Variants in SCAP observed in about 807,000 individuals in gnomAD.
SCAP encodes SREBF chaperone.
SCAP carries 65 observed loss-of-function variants against 123.6 expected under a neutral mutation model. The ratio of observed to expected loss-of-function variants is 0.53; its 90% CI spans 0.43 to 0.65. The LOEUF (loss-of-function observed/expected upper bound fraction) is 0.65, where lower values mean the gene tolerates loss of function less well. Ranked by LOEUF, SCAP falls within the 30% of genes least tolerant of loss-of-function variation. SCAP has a pLI of 0.00. For synonymous variants in SCAP, 740 were observed against 726.3 expected (o/e 1.02, Z -0.30); for missense variants, 1,398 against 1,712.5 (o/e 0.82, Z 3.24).
intron 18 of SCAP, among the ~76,000 whole-genome samples, chr3:47,416,874 C>T (rs931161967): frequency 6.6e-6 from 1 of 152,068 alleles, no homozygotes. Flanking sequence ...GATCCGCCCG[C>T]CTCGGCCTCC....
intron 3 of SCAP, among the ~76,000 whole-genome samples, chr3:47,433,710 T>C (rs1248911579): frequency 6.6e-6 from 1 of 151,670 alleles, no homozygotes; most frequent in Non-Finnish European, 1.5e-5. Flanking sequence ...CTACTAAAAA[T>C]ACAAAAATTA....
At position 47,450,838 on chromosome 3, in the gene SCAP, C is replaced by A. The variant is rs1201154141; in HGVS notation, c.-98-7747G>T. ...AATCTCAGTATCTTTACATTTTTCA[C>A]TATAAGCATTTATTTATTTTTCTTT... On this transcript the variant is annotated intron_variant, in intron 1 of 22. Coordinates refer to ENST00000265565, the MANE Select transcript of SCAP (RefSeq NM_012235.4). 1.7e-5 allele frequency among the ~76,000 whole-genome samples: 2 copies of A among 121,094 alleles called. 1 individual carries two copies. Among genetic ancestry groups the A allele is most frequent in the Non-Finnish European group, 3.6e-5 (2 of 55,142 alleles). The allele number at this position is 121,094 out of a possible 152,430, so 79.4% of individuals were successfully genotyped here.
At chr3:47,441,874 C>CTTTTT (rs1160447716) in intron 2 of SCAP, among the ~76,000 whole-genome samples, 333 of 75,826 alleles carry the variant, frequency 4.4e-3, no homozygotes, top group Middle Eastern at 9.8e-3. Context: ...GTTCATCTTT[C>CTTTTT]TTTTTTTTTT....
In SCAP at chr3:47,451,702, C is replaced by T. The variant is rs989450207; in HGVS notation, c.-98-8611G>A. On this transcript the variant is annotated intron_variant, in intron 1 of 22. Transcript: ENST00000265565. ...GCTGAGCCACCCACCATGCCTGGCC[C>T]TCATAGACCCCTTCCTACCTATCCC... is the stretch of plus-strand genomic sequence containing the variant. 1.6e-5 allele frequency among the ~76,000 whole-genome samples: 2 copies of T among 123,716 alleles called. 1 individual carries two copies. The highest frequency in any genetic ancestry group is 3.6e-5 in the Non-Finnish European group (2 of 56,020). The allele number at this position is 123,716 out of a possible 152,430, so 81.2% of individuals were successfully genotyped here.
chr3:47,425,299 T>C lies in SCAP; in HGVS notation c.1037+186A>G, dbSNP rs565298021. ...ACTCACTATAGCTAGATATGCTATATACAAACACAAGTATGAATACAAGCC... is the reference window on the plus strand; with the variant it reads ...ACTCACTATAGCTAGATATGCTATACACAAACACAAGTATGAATACAAGCC... On this transcript the variant is annotated intron_variant, in intron 8 of 22. Coordinates refer to ENST00000265565, the MANE Select transcript of SCAP (RefSeq NM_012235.4). 62 of 667,632 alleles carry C rather than the reference T, an allele frequency of 9.3e-5. 2 individuals are homozygous for C. In the South Asian group the frequency reaches 1.3e-3, roughly 14 times the overall value. The allele number at this position is 667,632 out of a possible 1,614,324, so 41.4% of individuals were successfully genotyped here. A position where few individuals can be genotyped will look rare whatever the true frequency, so the allele number is the denominator to read the frequency against.
intron 1 of SCAP, chr3:47,469,817 A>T: frequency 1.7e-6 from 1 of 585,540 alleles, no homozygotes; most frequent in Non-Finnish European, 3.3e-6. Context: ...CAAGGCTATT[A>T]CCCTGGGCAG....
In SCAP at chr3:47,420,382, C is replaced by G. The variant is rs1705838206; in HGVS notation, c.1563+172G>C. On this transcript the variant is annotated intron_variant, in intron 12 of 22. Transcript: ENST00000265565. The surrounding 1 kb of genome is among the most constrained non-coding windows in gnomAD (Gnocchi z 5.0). ...CACAGGCTTATCTCCTCAGAAGCCA[C>G]TAGGGTCTGGGCAGGGAGGACACAA... is the stretch of plus-strand genomic sequence containing the variant. 1.3e-5 allele frequency among the ~76,000 whole-genome samples: 2 copies of G among 152,202 alleles called. No individual in the cohort carries two copies. Among genetic ancestry groups the G allele is most frequent in the South Asian group, 2.1e-4 (1 of 4,828 alleles).
At chr3:47,453,973 AG>A (rs1707314157) in intron 1 of SCAP, among the ~76,000 whole-genome samples, 1 of 152,196 alleles carries the variant, frequency 6.6e-6, no homozygotes. Flanking sequence ...GAAACATGTA[AG>A]TACTAATGTT....
intron 1 of SCAP, among the ~76,000 whole-genome samples, chr3:47,469,360 A>G (rs1009241397): frequency 2.6e-5 from 4 of 152,166 alleles, no homozygotes; most frequent in Non-Finnish European, 4.4e-5. Context: ...AAAAATCACC[A>G]AATAATTTTT....
chr3:47,420,952 G>A lies in SCAP; in HGVS notation c.1323C>T (p.Ser441=). 1 of 1,613,892 alleles carries A rather than the reference G, an allele frequency of 6.2e-7. No individual in the cohort carries two copies. The highest frequency in any genetic ancestry group is 1.1e-5 in the South Asian group (1 of 91,078). The stretch of plus-strand genomic sequence containing the variant: ...CTACCTCCATCCGGCGAATGTCAAT[G>A]GACAGGACAGTGGTGAAAAACAGCA... The part of the protein sequence containing the change: ...LQMLFFTTVL[S]IDIRRMELAD... Residue 441 remains serine (S), a synonymous_variant, in exon 11 of 23, where the codon TCC becomes TCT. Coordinates refer to ENST00000265565, the MANE Select transcript of SCAP (RefSeq NM_012235.4). This position sits in a 1 kb window ranked among gnomAD's most constrained non-coding sequence, Gnocchi z 5.0.
chr3:47,445,590 G>C (rs1266433329), intron 1 of SCAP, among the ~76,000 whole-genome samples: 2 of 147,052 alleles, frequency 1.4e-5, no homozygotes, highest in African/African-American at 5.0e-5. Flanking sequence ...TTTTTTTTTT[G>C]AAACGGAATC....
intron 3 of SCAP, among the ~76,000 whole-genome samples, chr3:47,430,495 T>C (rs1420956491): frequency 6.6e-6 from 1 of 152,076 alleles, no homozygotes; most frequent in Non-Finnish European, 1.5e-5. Flanking sequence ...CAGGAGGGAA[T>C]GTGAGTTGCA....
chr3:47,473,346 G>C (rs1027199171), intron 1 of SCAP, among the ~76,000 whole-genome samples: 2 of 152,056 alleles, frequency 1.3e-5, no homozygotes, highest in Admixed American at 6.6e-5. Flanking sequence ...ACAAGTGCTC[G>C]ATATCACCCA....
At chr3:47,446,468 GC>G (rs1334780963) in intron 1 of SCAP, among the ~76,000 whole-genome samples, 1 of 152,102 alleles carries the variant, frequency 6.6e-6, no homozygotes, top group Non-Finnish European at 1.5e-5. Flanking sequence ...ACCGTGCCTG[GC>G]CCCCCTCAAT....
At chr3:47,423,346 G>C (rs1205995346) in intron 9 of SCAP, among the ~76,000 whole-genome samples, 1 of 152,236 alleles carries the variant, frequency 6.6e-6, no homozygotes, top group South Asian at 2.1e-4. Context: ...CCCGGGGCTT[G>C]GGCCTAGTGT....
intron 1 of SCAP, among the ~76,000 whole-genome samples, chr3:47,470,281 T>A (rs1005629426): frequency 1.3e-5 from 2 of 152,154 alleles, no homozygotes; most frequent in African/African-American, 4.8e-5. Flanking sequence ...GATTACTGCA[T>A]CTGCTCAGTA....
chr3:47,448,264 C>T (rs1357258764), intron 1 of SCAP, among the ~76,000 whole-genome samples: 2 of 152,142 alleles, frequency 1.3e-5, no homozygotes, highest in Non-Finnish European at 2.9e-5. Context: ...TTGATTTTCA[C>T]ATGTTCATTG....
chr3:47,417,355 C>T lies in SCAP; in HGVS notation c.2919G>A (p.Leu973=). ...APSAEGSIWS[L]ELQGNLIVVG... ...CCACGATGAGGTTGCCCTGCAGCTCCAAGCTCCAGATGGAACCCTCGGCAC... is the reference window on the plus strand; with the variant it reads ...CCACGATGAGGTTGCCCTGCAGCTCTAAGCTCCAGATGGAACCCTCGGCAC... Residue 973 remains leucine (L), a synonymous_variant, in exon 17 of 23, where the codon TTG becomes TTA. Transcript: ENST00000265565. 1 of 1,611,070 alleles carries T rather than the reference C, an allele frequency of 6.2e-7. No individual in the cohort carries two copies. The highest frequency in any genetic ancestry group is 8.5e-7 in the Non-Finnish European group (1 of 1,179,244).
At chr3:47,462,186 T>C (rs1246923600) in intron 1 of SCAP, among the ~76,000 whole-genome samples, 2 of 152,236 alleles carry the variant, frequency 1.3e-5, no homozygotes, top group African/African-American at 2.4e-5. Flanking sequence ...TACATTCATA[T>C]TGTTGTGCAG....
Sources: gnomAD v4.1 joint callset for allele counts (sites outside exome capture counted in the v4.1 genomes callset) on GRCh38, gnomAD v4.1.1 for gene constraint, Gnocchi (gnomAD v3.1) non-coding constraint, MANE v1.5 for transcripts, NCBI Gene and HGNC (gene_info 2026-07-23, HGNC 2026-07-21) for gene names.